The following ST8SIA1 variants were observed in gnomAD, a reference collection of about 807,000 sequenced individuals.
ST8SIA1 encodes alpha-N-acetylneuraminide alpha-2,8-sialyltransferase.
Under a neutral mutation model 35.9 loss-of-function variants are expected in ST8SIA1, and 16 were observed. The observed-to-expected ratio is 0.45, with a 90% CI of 0.30 to 0.68. ST8SIA1 has a LOEUF of 0.68. Ranked by LOEUF, ST8SIA1 falls within the 30% of genes least tolerant of loss-of-function variation. ST8SIA1 has a pLI of 0.09. For missense variants in ST8SIA1, 383 were observed against 453.6 expected, an observed-to-expected ratio of 0.84 and a Z score of 1.41; for synonymous variants, 170 against 169.6, an observed-to-expected ratio of 1.00 and a Z score of -0.02.
chr12:22,208,673 CAG>C (rs1276297885), intron 4 of ST8SIA1, among the ~76,000 whole-genome samples: 1 of 152,066 alleles, frequency 6.6e-6, no homozygotes, highest in Non-Finnish European at 1.5e-5. Flanking sequence ...TGTATACTGA[CAG>C]TAATTTTGGA....
At chr12:22,295,233 A>T (rs1290528233) in intron 1 of ST8SIA1, among the ~76,000 whole-genome samples, 1 of 152,204 alleles carries the variant, frequency 6.6e-6, no homozygotes, top group Non-Finnish European at 1.5e-5. Flanking sequence ...GACCTGAAGG[A>T]GGTGAAGAAG....
intron 1 of ST8SIA1, among the ~76,000 whole-genome samples, chr12:22,332,731 T>G (rs1866784172): frequency 6.6e-6 from 1 of 152,216 alleles, no homozygotes. Context: ...TTTAATCCTC[T>G]TTCCAGGAGG....
chr12:22,315,303 T>C (rs948379577), intron 1 of ST8SIA1, among the ~76,000 whole-genome samples: 2 of 152,036 alleles, frequency 1.3e-5, no homozygotes, highest in African/African-American at 4.8e-5. Context: ...TTCATCCCCA[T>C]CCCAACCACC....
intron 2 of ST8SIA1, among the ~76,000 whole-genome samples, chr12:22,259,804 C>T (rs576374129): frequency 6.6e-6 from 1 of 152,226 alleles, no homozygotes; most frequent in African/African-American, 2.4e-5. Context: ...TGAGATAATA[C>T]TCTCATTAAT....
intron 4 of ST8SIA1, among the ~76,000 whole-genome samples, chr12:22,207,363 C>T (rs960488717): frequency 4.6e-5 from 7 of 152,156 alleles, no homozygotes; most frequent in African/African-American, 1.7e-4. Flanking sequence ...GGGTAGACAG[C>T]CGTGCTGTGA....
intron 4 of ST8SIA1, among the ~76,000 whole-genome samples, chr12:22,242,291 A>ATCAT (rs1219749645): frequency 2.0e-5 from 3 of 152,218 alleles, no homozygotes; most frequent in Non-Finnish European, 4.4e-5. Context: ...ATTAAACCCA[A>ATCAT]TCATTATATT....
chr12:22,283,937 T>A (rs1393149900), intron 2 of ST8SIA1, among the ~76,000 whole-genome samples: 1 of 152,242 alleles, frequency 6.6e-6, no homozygotes, highest in Non-Finnish European at 1.5e-5. Context: ...TGAAGTTATG[T>A]ACACCGCATT....
chr12:22,295,901 C>A (rs1461588160), intron 1 of ST8SIA1, among the ~76,000 whole-genome samples: 1 of 152,194 alleles, frequency 6.6e-6, no homozygotes, highest in Non-Finnish European at 1.5e-5. Context: ...AAGAATGTTT[C>A]TTTCTTCCTA....
intron 4 of ST8SIA1, among the ~76,000 whole-genome samples, chr12:22,232,367 TTAA>T (rs1301559898): frequency 6.6e-6 from 1 of 152,110 alleles, no homozygotes; most frequent in Non-Finnish European, 1.5e-5. Context: ...AGCAGTGGAT[TTAA>T]TAAAATAAGC....
chr12:22,195,725 C>T lies in ST8SIA1; in HGVS notation c.*5827G>A, dbSNP rs557678953. ...TTCCTGCTGAACTCTCTTCTGAGAT[C>T]ACTCCCAATCATCTTTTCAAATTAA... On this transcript the variant is annotated 3_prime_UTR_variant, in exon 5 of 5. Coordinates refer to ENST00000396037, the MANE Select transcript of ST8SIA1 (RefSeq NM_003034.4). The T allele has an allele frequency of 1.3e-5, 2 of 152,332 alleles. No individual in the cohort carries two copies. Among genetic ancestry groups the T allele is most frequent in the South Asian group, 4.1e-4 (2 of 4,832 alleles). The allele number at this position is 152,332 out of a possible 1,614,324, so 9.4% of individuals were successfully genotyped here.
At chr12:22,231,673 A>C (rs968587853) in intron 4 of ST8SIA1, among the ~76,000 whole-genome samples, 7 of 151,960 alleles carry the variant, frequency 4.6e-5, no homozygotes, top group Non-Finnish European at 8.8e-5. Flanking sequence ...TCCCGGGTTC[A>C]CGCCATTCTC....
Position 22,266,850 on chromosome 12 carries a change from C to T in ST8SIA1, c.382-11461G>A, listed in dbSNP as rs77893271. On this transcript the variant is annotated intron_variant, in intron 2 of 4. Coordinates refer to ENST00000396037, the MANE Select transcript of ST8SIA1 (RefSeq NM_003034.4). ...ACCCACACACATACACAAAAGTATA[C>T]ACACACACACACACACACACACACA... Among the ~76,000 whole-genome samples, 658 of 83,720 alleles carry T rather than the reference C, an allele frequency of 7.9e-3. 2 individuals are homozygous for T. Among genetic ancestry groups the T allele is most frequent in the African/African-American group, 0.024 (602 of 25,224 alleles). 54.9% of individuals were successfully genotyped at this position (83,720 alleles called of 152,430 possible). A position where few individuals can be genotyped will look rare whatever the true frequency, so the allele number is the denominator to read the frequency against.
Position 22,198,478 on chromosome 12 carries a change from G to A in ST8SIA1, c.*3074C>T, listed in dbSNP as rs1865013292. 1 of 148,574 alleles carries A rather than the reference G, an allele frequency of 6.7e-6. No individual in the cohort carries two copies. Among genetic ancestry groups the A allele is most frequent in the Admixed American group, 6.8e-5 (1 of 14,814 alleles). The allele number at this position is 148,574 out of a possible 1,614,324, so 9.2% of individuals were successfully genotyped here. A position where few individuals can be genotyped will look rare whatever the true frequency, so the allele number is the denominator to read the frequency against. ...ATGATTCTAGCGAGGTCCTTACTTA[G>A]GAACACATAGCACAGTTAAGGATAG... On this transcript the variant is annotated 3_prime_UTR_variant, in exon 5 of 5. Coordinates refer to ENST00000396037, the MANE Select transcript of ST8SIA1 (RefSeq NM_003034.4).
intron 4 of ST8SIA1, among the ~76,000 whole-genome samples, chr12:22,215,457 C>T (rs1865224619): frequency 6.6e-6 from 1 of 151,910 alleles, no homozygotes; most frequent in Non-Finnish European, 1.5e-5. Flanking sequence ...AACCAGTAAA[C>T]CAAAAAATGA....
At chr12:22,284,501 G>T (rs946472079) in intron 2 of ST8SIA1, among the ~76,000 whole-genome samples, 6 of 152,156 alleles carry the variant, frequency 3.9e-5, no homozygotes, top group African/African-American at 7.2e-5. Flanking sequence ...TAATGGATGA[G>T]AGCAGAGGGA....
At chr12:22,247,371 G>A (rs1022574116) in intron 4 of ST8SIA1, among the ~76,000 whole-genome samples, 6 of 152,058 alleles carry the variant, frequency 3.9e-5, no homozygotes, top group Non-Finnish European at 7.4e-5. Flanking sequence ...GGGAAACTGG[G>A]TAAAGATTAT....
At chr12:22,289,122 AC>A (rs1230224643) in intron 1 of ST8SIA1, among the ~76,000 whole-genome samples, 5 of 152,190 alleles carry the variant, frequency 3.3e-5, no homozygotes, top group Non-Finnish European at 5.9e-5. Context: ...AACAGAAAAC[AC>A]CTGGACATGG....
chr12:22,243,135 T>C (rs1865559324), intron 4 of ST8SIA1, among the ~76,000 whole-genome samples: 1 of 152,244 alleles, frequency 6.6e-6, no homozygotes, highest in African/African-American at 2.4e-5. Flanking sequence ...TTCTAAAACC[T>C]GTTTTATCTT....
intron 1 of ST8SIA1, among the ~76,000 whole-genome samples, chr12:22,302,907 C>G (rs1482231756): frequency 2.0e-5 from 3 of 152,008 alleles, no homozygotes; most frequent in Non-Finnish European, 2.9e-5. Flanking sequence ...AGCTGTCCCA[C>G]CTTTCTTGAT....
Sources: allele counts gnomAD v4.1 joint callset (sites outside exome capture counted in the v4.1 genomes callset), GRCh38; gene constraint gnomAD v4.1.1; transcripts MANE v1.5; gene names NCBI Gene and HGNC (gene_info 2026-07-23, HGNC 2026-07-21).